The following ACO1 variants were observed in gnomAD, a reference collection of about 807,000 sequenced individuals.
ACO1 encodes aconitase 1, also known as cytoplasmic aconitate hydratase.
A neutral mutation model predicts 105.1 loss-of-function variants in ACO1; 78 were observed. That is an observed-to-expected ratio of 0.74 (90% CI 0.62 to 0.90). The LOEUF (loss-of-function observed/expected upper bound fraction) is 0.90. Ranked by LOEUF, ACO1 falls within the 40% of genes least tolerant of loss-of-function variation. The probability of loss-of-function intolerance (pLI) is 0.00; values close to 1 mark genes in which losing one functional copy is unlikely to be tolerated. For missense variants in ACO1, 965 were observed against 1,111.1 expected (o/e 0.87, Z 1.87); for synonymous variants, 364 against 397.4 (o/e 0.92, Z 1.00).
chr9:32,421,058 T>G lies in ACO1; in HGVS notation c.970+31T>G, dbSNP rs529771622. 2.5e-6 allele frequency: 4 copies of G among 1,599,072 alleles called. No homozygotes were observed. The African/African-American group carries it at 5.4e-5, about 21-fold the overall frequency. Reference sequence around the variant, plus strand: ...TGAAGGGCCCTGAAAGCATCGGGCTTTTTGTAAAAGTTCCATGAAACACCA... The same window carrying G: ...TGAAGGGCCCTGAAAGCATCGGGCTGTTTGTAAAAGTTCCATGAAACACCA... On this transcript the variant is annotated intron_variant, in intron 8 of 20. Coordinates refer to ENST00000309951, the MANE Select transcript of ACO1 (RefSeq NM_002197.3).
rs780495634 is a variant in ACO1 at position 32,418,427 on chromosome 9, C to G, written c.574C>G (p.Gln192Glu). The G allele has an allele frequency of 5.0e-6, 8 of 1,614,146 alleles. No individual in the cohort carries two copies. The highest frequency in any genetic ancestry group is 4.2e-6 in the Non-Finnish European group (5 of 1,180,014). ...LEYLARVVFDQDGYYYPDSLV... is the reference protein window; with the variant it reads ...LEYLARVVFDEDGYYYPDSLV... The stretch of plus-strand genomic sequence containing the variant: ...ATATTTGGCAAGAGTGGTATTTGAT[C>G]AGGATGGATATTATTACCCAGACAG... The change falls in exon 6 of 21, where the codon CAG (glutamine) becomes GAG (glutamate). Residue 192 changes from glutamine to glutamate, a missense_variant. Gln to Glu is a conservative substitution (Grantham distance 29). Transcript: ENST00000309951.
Position 32,386,192 on chromosome 9 carries a change from G to A in ACO1, c.-23+1457G>A, listed in dbSNP as rs541657623. On this transcript the variant is annotated intron_variant, in intron 1 of 20. Coordinates refer to ENST00000309951, the MANE Select transcript of ACO1 (RefSeq NM_002197.3). Reference sequence around the variant, plus strand: ...CCAGTGGGGAGACCATGCCAAGTGTGTAGGGGTTCCTGTGAGAGTTACCAA... The same window carrying A: ...CCAGTGGGGAGACCATGCCAAGTGTATAGGGGTTCCTGTGAGAGTTACCAA... Among the ~76,000 whole-genome samples the A allele has an allele frequency of 1.8e-4, 28 of 152,368 alleles. No individual in the cohort carries two copies. In the East Asian group the frequency reaches 5.2e-3, roughly 28 times the overall value.
At chr9:32,424,117 C>T (rs766747954) in intron 9 of ACO1, among the ~76,000 whole-genome samples, 1 of 152,132 alleles carries the variant, frequency 6.6e-6, no homozygotes, top group Non-Finnish European at 1.5e-5. Flanking sequence ...GACTAAGGCC[C>T]GTTTCCTGGT....
chr9:32,440,542 T>A lies in ACO1; in HGVS notation c.2325T>A (p.Gly775=). 1 of 1,614,040 alleles carries A rather than the reference T, an allele frequency of 6.2e-7. No homozygotes were observed. Among genetic ancestry groups the A allele is most frequent in the Non-Finnish European group, 8.5e-7 (1 of 1,179,976 alleles). ...TCGTTCTGGCTGGCAAAGAGTACGG[T>A]GCAGGCAGCTCCCGAGACTGGGCAG... is the stretch of plus-strand genomic sequence containing the variant. ...PLIVLAGKEY[G]AGSSRDWAAK... Residue 775 remains glycine, a synonymous_variant, in exon 19 of 21, where the codon GGT becomes GGA. Coordinates refer to ENST00000309951, the MANE Select transcript of ACO1 (RefSeq NM_002197.3).
intron 8 of ACO1, 35 bp from the exon 9 acceptor site, chr9:32,423,284 C>T: frequency 1.6e-6 from 2 of 1,260,006 alleles, no homozygotes; most frequent in Non-Finnish European, 2.3e-6. Context: ...AAATACTAAC[C>T]TATGTTACTT....
At chr9:32,427,173 C>A in intron 11 of ACO1, 128 bp from the exon 12 acceptor site, 1 of 1,200,690 alleles carries the variant, frequency 8.3e-7, no homozygotes, top group Non-Finnish European at 1.2e-6. Flanking sequence ...ATAGCGCCAA[C>A]ATGAAGGGAG....
At chr9:32,441,105 C>T (rs1452917225) in intron 19 of ACO1, among the ~76,000 whole-genome samples, 1 of 152,182 alleles carries the variant, frequency 6.6e-6, no homozygotes, top group Non-Finnish European at 1.5e-5. Context: ...GGGAGAATCA[C>T]TTTTTATAAT....
chr9:32,387,309 A>G (rs1445700726), intron 1 of ACO1, among the ~76,000 whole-genome samples: 3 of 152,246 alleles, frequency 2.0e-5, no homozygotes, highest in African/African-American at 4.8e-5. Flanking sequence ...CAGTGGTTTC[A>G]GAGCTGGTTT....
intron 19 of ACO1, among the ~76,000 whole-genome samples, chr9:32,444,782 A>G (rs920748230): frequency 1.2e-4 from 18 of 152,166 alleles, no homozygotes; most frequent in African/African-American, 4.3e-4. Flanking sequence ...ATTTTGAGAT[A>G]TGTTCCATCA....
In ACO1 at chr9:32,419,942, A is replaced by T. The variant is rs140577507; in HGVS notation, c.798+765A>T. Among the ~76,000 whole-genome samples the T allele has an allele frequency of 9.8e-5, 15 of 152,342 alleles. No homozygotes were observed. The East Asian group carries it at 1.5e-3, about 16-fold the overall frequency. ...TTGGAGGCTGGGGTCCTTTGCATGGACATGCTATCGTTAAAGTGCAAAACA... is the reference window on the plus strand; with the variant it reads ...TTGGAGGCTGGGGTCCTTTGCATGGTCATGCTATCGTTAAAGTGCAAAACA... On this transcript the variant is annotated intron_variant, in intron 7 of 20. Coordinates refer to ENST00000309951, the MANE Select transcript of ACO1 (RefSeq NM_002197.3).
At chr9:32,398,591 GTTTGT>G in intron 1 of ACO1, among the ~76,000 whole-genome samples, 1 of 127,614 alleles carries the variant, frequency 7.8e-6, no homozygotes, top group African/African-American at 2.8e-5. Flanking sequence ...TTTTTTGTTT[GTTTGT>G]TTTGTTTTGT....
intron 12 of ACO1, 36 bp from the exon 13 acceptor site, chr9:32,429,383 T>G (rs756065271): frequency 6.2e-7 from 1 of 1,600,594 alleles, no homozygotes; most frequent in Admixed American, 1.7e-5. Context: ...AAGTTATTCT[T>G]TTTTTGTGTG....
intron 4 of ACO1, among the ~76,000 whole-genome samples, chr9:32,416,690 A>T (rs1821858572): frequency 6.6e-6 from 1 of 152,210 alleles, no homozygotes; most frequent in South Asian, 2.1e-4. Flanking sequence ...CATTTTCAGC[A>T]TGTAGCATGT....
chr9:32,428,705 G>A lies in ACO1; in HGVS notation c.1485-714G>A, dbSNP rs180840207. ...TACAAAAAAACAAAATTAGCCGGGCGTGGTGGCGGGCACCTGTAATCCCAG... is the reference window on the plus strand; with the variant it reads ...TACAAAAAAACAAAATTAGCCGGGCATGGTGGCGGGCACCTGTAATCCCAG... On this transcript the variant is annotated intron_variant, in intron 12 of 20. Transcript: ENST00000309951. Among the ~76,000 whole-genome samples the A allele has an allele frequency of 3.1e-4, 47 of 152,198 alleles. No homozygotes were observed. The Middle Eastern group carries it at 0.01, about 33-fold the overall frequency.
At chr9:32,443,265 A>C (rs1822522305) in intron 19 of ACO1, among the ~76,000 whole-genome samples, 1 of 152,272 alleles carries the variant, frequency 6.6e-6, no homozygotes, top group Non-Finnish European at 1.5e-5. Flanking sequence ...TTAGAGTACA[A>C]AGTTAATGTA....
rs562016265 is a variant in ACO1, at chr9:32,434,318, T to G, written c.1957-241T>G. On this transcript the variant is annotated intron_variant, in intron 16 of 20. Transcript: ENST00000309951. ...ATGTCATTTGCAGCTGCGTTACTGTTGCTTTTGAGGGGATATTGCCAGTAT... is the reference window on the plus strand; with the variant it reads ...ATGTCATTTGCAGCTGCGTTACTGTGGCTTTTGAGGGGATATTGCCAGTAT... Among the ~76,000 whole-genome samples the G allele has an allele frequency of 3.2e-4, 48 of 152,340 alleles. No individual in the cohort carries two copies. In the South Asian group the frequency reaches 9.5e-3, roughly 30 times the overall value.
intron 16 of ACO1, among the ~76,000 whole-genome samples, 184 bp from the exon 17 acceptor site, chr9:32,434,375 G>A (rs774567963): frequency 6.6e-6 from 1 of 152,206 alleles, no homozygotes; most frequent in Non-Finnish European, 1.5e-5. Flanking sequence ...AGATATGAAT[G>A]TTTTGAGTAA....
rs372295357 is a variant in ACO1 at position 32,431,845 on chromosome 9, T to C, written c.1851+2T>C. 1 of 1,613,836 alleles carries C rather than the reference T, an allele frequency of 6.2e-7. No individual in the cohort carries two copies. Among genetic ancestry groups the C allele is most frequent in the Non-Finnish European group, 8.5e-7 (1 of 1,179,926 alleles). On this transcript the variant is annotated splice_donor_variant, in intron 15 of 20. Coordinates refer to ENST00000309951, the MANE Select transcript of ACO1 (RefSeq NM_002197.3). LOFTEE classifies it high-confidence loss of function. ...AAGGAAGTCTATCAGAAAATAGAGG[T>C]GAGGTCCCACACTGCCCTCCCCGCC... is the stretch of plus-strand genomic sequence containing the variant.
intron 1 of ACO1, among the ~76,000 whole-genome samples, chr9:32,394,287 C>A (rs996308146): frequency 6.6e-6 from 1 of 152,164 alleles, no homozygotes; most frequent in Admixed American, 6.5e-5. Flanking sequence ...GGATTAGGTG[C>A]TTTTCCCTGG....
Sources: gnomAD v4.1 joint callset for allele counts (sites outside exome capture counted in the v4.1 genomes callset) on GRCh38, gnomAD v4.1.1 for gene constraint, MANE v1.5 for transcripts, NCBI Gene and HGNC (gene_info 2026-07-23, HGNC 2026-07-21) for gene names.